Variants in PRKD1 observed in about 807,000 individuals in gnomAD.
PRKD1 encodes serine/threonine-protein kinase D1.
PRKD1 carries 63 observed loss-of-function variants against 95.9 expected under a neutral mutation model. That is an observed-to-expected ratio of 0.66 (90% CI 0.54 to 0.81). The LOEUF is 0.81. Among genes scored for constraint, PRKD1 ranks in the 30% least tolerant of loss-of-function variants. The pLI is 0.00. For missense variants in PRKD1, 1,048 were observed against 1,165.3 expected, an observed-to-expected ratio of 0.90 and a Z score of 1.47; for synonymous variants, 425 against 423.1, an observed-to-expected ratio of 1.00 and a Z score of -0.05.
intron 1 of PRKD1, among the ~76,000 whole-genome samples, chr14:29,809,104 C>T (rs1890372566): frequency 6.6e-6 from 1 of 152,188 alleles, no homozygotes. Flanking sequence ...TGACCAGGTG[C>T]ATTGTCAACG....
chr14:29,659,662 A>G (rs1048733271), intron 4 of PRKD1, among the ~76,000 whole-genome samples: 11 of 152,332 alleles, frequency 7.2e-5, no homozygotes, highest in African/African-American at 2.4e-4. Flanking sequence ...AATGACAGAC[A>G]TTCTGATGTA....
At chr14:29,772,116 C>A (rs1026812500) in intron 1 of PRKD1, among the ~76,000 whole-genome samples, 1 of 152,134 alleles carries the variant, frequency 6.6e-6, no homozygotes, top group Non-Finnish European at 1.5e-5. Context: ...AATGCTTAAA[C>A]AAGGTAAGCC....
rs149107622 is a variant in PRKD1, at chr14:29,837,988, T to C, written c.264+89261A>G. On this transcript the variant is annotated intron_variant, in intron 1 of 17. Transcript: ENST00000331968. ...TACATTAGAAAATACTGTTCCTTCA[T>C]TGCTGTGGGCTTGGGAAACTATCTG... 1.2e-3 allele frequency among the ~76,000 whole-genome samples: 181 copies of C among 152,336 alleles called. 1 individual carries two copies. The highest frequency in any genetic ancestry group is 4.2e-3 in the African/African-American group (175 of 41,574).
At chr14:29,586,168 G>C (rs572871298) in intron 16 of PRKD1, among the ~76,000 whole-genome samples, 1 of 152,146 alleles carries the variant, frequency 6.6e-6, no homozygotes, top group South Asian at 2.1e-4. Flanking sequence ...TTGCCCAAAG[G>C]GTCCTTGAAT....
chr14:29,730,848 A>G (rs1479629618), intron 1 of PRKD1, among the ~76,000 whole-genome samples: 2 of 152,178 alleles, frequency 1.3e-5, no homozygotes, highest in Non-Finnish European at 2.9e-5. Context: ...ACTGGGGCTA[A>G]GCGGTGGGTG....
At chr14:29,855,665 C>T (rs1892471328) in intron 1 of PRKD1, among the ~76,000 whole-genome samples, 1 of 152,128 alleles carries the variant, frequency 6.6e-6, no homozygotes, top group African/African-American at 2.4e-5. Flanking sequence ...GCTCAGAGTT[C>T]CCACCCAACT....
intron 1 of PRKD1, among the ~76,000 whole-genome samples, chr14:29,753,547 T>C (rs911572190): frequency 1.3e-5 from 2 of 152,160 alleles, no homozygotes; most frequent in Non-Finnish European, 2.9e-5. Context: ...CCCCTTTCTT[T>C]TGCAAATGGT....
chr14:29,872,725 A>G (rs1893156864), intron 1 of PRKD1, among the ~76,000 whole-genome samples: 1 of 152,132 alleles, frequency 6.6e-6, no homozygotes, highest in Non-Finnish European at 1.5e-5. Flanking sequence ...GCCCTTTAGA[A>G]TATTTCTACC....
intron 1 of PRKD1, among the ~76,000 whole-genome samples, chr14:29,791,944 T>G (rs1265095801): frequency 6.6e-6 from 1 of 152,162 alleles, no homozygotes; most frequent in Non-Finnish European, 1.5e-5. Flanking sequence ...TGTGGTATTG[T>G]ATGTTCTCAC....
chr14:29,847,852 T>C (rs1459086015), intron 1 of PRKD1, among the ~76,000 whole-genome samples: 2 of 152,080 alleles, frequency 1.3e-5, no homozygotes, highest in Admixed American at 1.3e-4. Context: ...CACACATGCA[T>C]GCATGCGTGT....
chr14:29,596,603 G>A (rs941536323), intron 16 of PRKD1, among the ~76,000 whole-genome samples: 5 of 152,132 alleles, frequency 3.3e-5, no homozygotes, highest in African/African-American at 1.2e-4. Flanking sequence ...ACAGGCACGT[G>A]CCACCACGCT....
chr14:29,592,264 T>C (rs1407178515), intron 16 of PRKD1, among the ~76,000 whole-genome samples: 1 of 150,956 alleles, frequency 6.6e-6, no homozygotes, highest in African/African-American at 2.4e-5. Context: ...TGCCTTAGGA[T>C]AGACTGAAAT....
intron 1 of PRKD1, among the ~76,000 whole-genome samples, chr14:29,901,112 A>C (rs1353151543): frequency 1.3e-5 from 2 of 152,244 alleles, no homozygotes; most frequent in Non-Finnish European, 2.9e-5. Context: ...AGTGAACTGG[A>C]TAAAGAAAAT....
At chr14:29,782,465 TTTC>T (rs1432179343) in intron 1 of PRKD1, among the ~76,000 whole-genome samples, 17 of 152,182 alleles carry the variant, frequency 1.1e-4, no homozygotes, top group African/African-American at 3.6e-4. Flanking sequence ...TGAACGATTC[TTTC>T]TTTTTTTCAT....
At chr14:29,595,176 T>C (rs1893256119) in intron 16 of PRKD1, among the ~76,000 whole-genome samples, 1 of 152,148 alleles carries the variant, frequency 6.6e-6, no homozygotes, top group African/African-American at 2.4e-5. Flanking sequence ...GCTTAGACAT[T>C]TCTATAGCCA....
chr14:29,703,619 A>C (rs1200807139), intron 2 of PRKD1, among the ~76,000 whole-genome samples: 1 of 152,210 alleles, frequency 6.6e-6, no homozygotes, highest in African/African-American at 2.4e-5. Context: ...GTAGAAAAGG[A>C]AGATGTAGGT....
chr14:29,592,218 T>C (rs1229103799), intron 16 of PRKD1, among the ~76,000 whole-genome samples: 2 of 152,016 alleles, frequency 1.3e-5, no homozygotes, highest in African/African-American at 4.8e-5. Flanking sequence ...GACACAGCCA[T>C]AATGATGAAA....
chr14:29,643,818 C>A (rs890583396), intron 4 of PRKD1, among the ~76,000 whole-genome samples: 1 of 152,028 alleles, frequency 6.6e-6, no homozygotes, highest in African/African-American at 2.4e-5. Context: ...AGTCACTTGA[C>A]AATAAAAAAT....
chr14:29,636,725 C>T (rs1372250665), intron 6 of PRKD1, among the ~76,000 whole-genome samples: 3 of 151,914 alleles, frequency 2.0e-5, no homozygotes, highest in African/African-American at 7.3e-5. Flanking sequence ...ATTTCATCAC[C>T]CAGGTATTAA....
Sources: allele counts gnomAD v4.1 joint callset (sites outside exome capture counted in the v4.1 genomes callset), GRCh38; gene constraint gnomAD v4.1.1; transcripts MANE v1.5; gene names NCBI Gene and HGNC (gene_info 2026-07-23, HGNC 2026-07-21).